Variants in PHF14 observed in about 807,000 individuals in gnomAD.
PHF14 encodes PHD finger protein 14.
A neutral mutation model predicts 117.9 loss-of-function variants in PHF14; 55 were observed. The ratio of observed to expected loss-of-function variants is 0.47; its 90% CI spans 0.38 to 0.58. PHF14 has a LOEUF of 0.58. Ranked by LOEUF, PHF14 falls within the 20% of genes least tolerant of loss-of-function variation. PHF14 has a pLI of 0.00. For synonymous variants in PHF14, 409 were observed against 368.6 expected (o/e 1.11, Z -1.26); for missense variants, 978 against 1,122.2 (o/e 0.87, Z 1.84).
At position 11,038,952 on chromosome 7, in the gene PHF14, A is replaced by C. The variant is rs1784410583; in HGVS notation, c.2076+97A>C. 5 of 515,358 alleles carry C rather than the reference A, an allele frequency of 9.7e-6. No individual in the cohort carries two copies. The South Asian group carries it at 1.7e-4, about 18-fold the overall frequency. The allele number at this position is 515,358 out of a possible 1,614,324, so 31.9% of individuals were successfully genotyped here. A position where few individuals can be genotyped will look rare whatever the true frequency, so the allele number is the denominator to read the frequency against. ...ATACAACTGTCATTTGACTAACCGA[A>C]GAATTCTGTTTGATCAGGGCCTAAT... On this transcript the variant is annotated intron_variant, in intron 11 of 17. Transcript: ENST00000634607.
In PHF14 at chr7:11,111,168, C is replaced by T. The variant is rs192676102; in HGVS notation, c.2655-182C>T. 4 of 460,752 alleles carry T rather than the reference C, an allele frequency of 8.7e-6. No individual in the cohort carries two copies. The Admixed American group carries it at 1.6e-4, about 18-fold the overall frequency. The allele number at this position is 460,752 out of a possible 1,614,324, so 28.5% of individuals were successfully genotyped here. On this transcript the variant is annotated intron_variant, in intron 16 of 17. Coordinates refer to ENST00000634607, the MANE Select transcript of PHF14 (RefSeq NM_001007157.2). ...CTGTTGTATTTTGTTTTTGCTAAAA[C>T]ATTTATTTCAGGTTTAGTTTGCCTT...
chr7:10,995,660 C>T (rs778231578), intron 4 of PHF14, among the ~76,000 whole-genome samples: 114 of 152,312 alleles, frequency 7.5e-4, no homozygotes, highest in Non-Finnish European at 1.3e-3. Flanking sequence ...GGGTAAGGCT[C>T]AGGCATGGTG....
intron 5 of PHF14, among the ~76,000 whole-genome samples, chr7:11,022,589 G>A (rs998592904): frequency 6.6e-6 from 1 of 152,132 alleles, no homozygotes; most frequent in Admixed American, 6.5e-5. Context: ...AGTGCAAAGT[G>A]CAGTGAGTGA....
chr7:11,107,276 A>G, intron 16 of PHF14: 1 of 977,468 alleles, frequency 1.0e-6, no homozygotes. Context: ...AAGGTAAATC[A>G]TTTTTTTCCC....
chr7:11,000,904 G>A (rs947848824), intron 4 of PHF14, among the ~76,000 whole-genome samples: 1 of 151,716 alleles, frequency 6.6e-6, no homozygotes, highest in African/African-American at 2.4e-5. Flanking sequence ...TGTTTATTAC[G>A]CTTTTGGTCT....
chr7:11,019,799 G>T (rs948095346), intron 5 of PHF14, among the ~76,000 whole-genome samples: 1 of 151,934 alleles, frequency 6.6e-6, no homozygotes, highest in Non-Finnish European at 1.5e-5. Flanking sequence ...TGCTTTCCTA[G>T]TTCTTTAAGA....
At chr7:11,093,164 A>G (rs992594896) in intron 16 of PHF14, among the ~76,000 whole-genome samples, 1 of 152,140 alleles carries the variant, frequency 6.6e-6, no homozygotes, top group East Asian at 1.9e-4. Context: ...AGGATTTTCC[A>G]TATATATTTC....
chr7:11,033,293 A>T (rs1294935224), intron 7 of PHF14, among the ~76,000 whole-genome samples: 1 of 152,148 alleles, frequency 6.6e-6, no homozygotes, highest in East Asian at 1.9e-4. Context: ...TTGGATACTG[A>T]GGGGAGTTTG....
In PHF14 at chr7:10,986,532, A is replaced by G. The variant is rs557013891; in HGVS notation, c.900+3373A>G. Among the ~76,000 whole-genome samples, 5 of 152,288 alleles carry G rather than the reference A, an allele frequency of 3.3e-5. No homozygotes were observed. In the East Asian group the frequency reaches 9.6e-4, roughly 29 times the overall value. On this transcript the variant is annotated intron_variant, in intron 3 of 17. Transcript: ENST00000634607. ...ACTGAAAGAGAGTTCACTGGACCAC[A>G]CCTTGAGAACTGCTGCTCTAGAACT...
intron 17 of PHF14, among the ~76,000 whole-genome samples, chr7:11,122,352 T>TATATATATATACAC: frequency 1.5e-5 from 1 of 65,876 alleles, no homozygotes; most frequent in African/African-American, 7.3e-5. Context: ...TATATATATA[T>TATATATATATACAC]ACACACACAC....
intron 16 of PHF14, chr7:11,104,238 T>C: frequency 1.0e-6 from 1 of 984,628 alleles, no homozygotes; most frequent in Non-Finnish European, 1.2e-6. Flanking sequence ...TCAGTGGTGG[T>C]GGATATTCTA....
intron 4 of PHF14, among the ~76,000 whole-genome samples, chr7:11,007,641 T>G (rs974453821): frequency 2.6e-5 from 4 of 152,188 alleles, no homozygotes; most frequent in Non-Finnish European, 5.9e-5. Context: ...ATGAATACTT[T>G]ATTTAGAGAA....
At chr7:11,115,830 A>C (rs1008763563) in intron 17 of PHF14, among the ~76,000 whole-genome samples, 34 of 152,042 alleles carry the variant, frequency 2.2e-4, no homozygotes, top group African/African-American at 6.3e-4. Flanking sequence ...ATTACAGAGC[A>C]GTTATTTTGT....
At chr7:11,028,425 A>G (rs948944525) in intron 6 of PHF14, among the ~76,000 whole-genome samples, 1 of 152,206 alleles carries the variant, frequency 6.6e-6, no homozygotes, top group Non-Finnish European at 1.5e-5. Context: ...TAAGTCCTCA[A>G]ATAATTTTAA....
At chr7:11,035,261 TACC>T (rs1375964768) in intron 7 of PHF14, among the ~76,000 whole-genome samples, 1 of 152,140 alleles carries the variant, frequency 6.6e-6, no homozygotes, top group Admixed American at 6.6e-5. Context: ...TAGATGCAAA[TACC>T]ACACCATTTA....
At chr7:11,148,079 C>T (rs1463085722) in intron 17 of PHF14, among the ~76,000 whole-genome samples, 8 of 152,126 alleles carry the variant, frequency 5.3e-5, no homozygotes, top group South Asian at 2.1e-4. Flanking sequence ...TACTTCTTTC[C>T]GTTCTGACTA....
At chr7:11,115,334 C>G (rs893408486) in intron 17 of PHF14, among the ~76,000 whole-genome samples, 1 of 151,848 alleles carries the variant, frequency 6.6e-6, no homozygotes, top group Non-Finnish European at 1.5e-5. Flanking sequence ...AGTGTTTGCC[C>G]CACAGTAGAT....
rs367847437 is a variant in PHF14 at position 11,036,508 on chromosome 7, T to A, written c.1693T>A (p.Leu565Met). Residue 565 changes from leucine (L) to methionine (M), a missense_variant, in exon 9 of 18, where the codon TTG becomes ATG. By Grantham distance (15) the Leu-to-Met change is conservative. Transcript: ENST00000634607. ...CCAGGCCTGGGTTCCAAGGGAAAAATTGCCCAGACCACTCACCAGCAGTGC... is the reference window on the plus strand; with the variant it reads ...CCAGGCCTGGGTTCCAAGGGAAAAAATGCCCAGACCACTCACCAGCAGTGC... The part of the protein sequence containing the change: ...RPQAWVPREK[L>M]PRPLTSSASA... 5 of 1,613,874 alleles carry A rather than the reference T, an allele frequency of 3.1e-6. No individual in the cohort carries two copies. The highest frequency in any genetic ancestry group is 4.2e-6 in the Non-Finnish European group (5 of 1,179,838).
intron 17 of PHF14, among the ~76,000 whole-genome samples, chr7:11,142,097 A>G (rs1458265811): frequency 2.0e-5 from 3 of 152,022 alleles, no homozygotes; most frequent in Admixed American, 2.0e-4. Context: ...GCTGCTGCAT[A>G]TGCTTCTCAG....
Sources: gnomAD v4.1 joint callset for allele counts (sites outside exome capture counted in the v4.1 genomes callset) on GRCh38, gnomAD v4.1.1 for gene constraint, MANE v1.5 for transcripts, NCBI Gene and HGNC (gene_info 2026-07-23, HGNC 2026-07-21) for gene names.